DSCAML1: variants seen among roughly 807,000 people sequenced by gnomAD.
DSCAML1 encodes the protein DS cell adhesion molecule like 1.
A neutral mutation model predicts 200.5 loss-of-function variants in DSCAML1; 38 were observed. The observed-to-expected ratio is 0.19, with a 90% CI of 0.15 to 0.25. The LOEUF is 0.25. Among genes scored for constraint, DSCAML1 ranks in the 10% least tolerant of loss-of-function variants. DSCAML1 has a pLI of 1.00. For synonymous variants in DSCAML1, 1,215 were observed against 1,165.0 expected, an observed-to-expected ratio of 1.04 and a Z score of -0.87; for missense variants, 2,223 against 2,858.8, an observed-to-expected ratio of 0.78 and a Z score of 5.07.
At chr11:117,464,432 G>A (rs1893967) in intron 17 of DSCAML1, among the ~76,000 whole-genome samples, 20,880 of 152,138 alleles carry the variant, frequency 0.14, 1,659 homozygotes, top group Admixed American at 0.2. Flanking sequence ...TAATCAGAGT[G>A]TGGGGTTCTC....
At chr11:117,752,166 C>T (rs2054616172) in intron 3 of DSCAML1, among the ~76,000 whole-genome samples, 1 of 152,158 alleles carries the variant, frequency 6.6e-6, no homozygotes, top group Non-Finnish European at 1.5e-5. Flanking sequence ...GATAGGAGCC[C>T]TGATTCCAGG....
rs1382215511 is a variant in DSCAML1, at chr11:117,431,725, G to C, written c.5183C>G (p.Pro1728Arg). The C allele has an allele frequency of 1.3e-6, 2 of 1,559,422 alleles. No individual in the cohort carries two copies. Among genetic ancestry groups the C allele is most frequent in the Non-Finnish European group, 1.7e-6 (2 of 1,148,152 alleles). The change falls in exon 31 of 33, where the codon CCA becomes CGA. Residue 1728 changes from proline to arginine, a missense_variant. Physicochemically the swap from Pro to Arg is moderately radical, Grantham distance 103. Coordinates refer to ENST00000651296, the MANE Select transcript of DSCAML1 (RefSeq NM_020693.4). ...DMSDIRPGTN[P>R]VSRKNVKSAH... ...TGACTTCACATTCTTCCTGGACACTGGATCTGCACAGACAGAAGCAAGAAA... is the reference window on the plus strand; with the variant it reads ...TGACTTCACATTCTTCCTGGACACTCGATCTGCACAGACAGAAGCAAGAAA...
chr11:117,778,047 C>T (rs960079061), intron 2 of DSCAML1, among the ~76,000 whole-genome samples: 16 of 152,202 alleles, frequency 1.1e-4, no homozygotes, highest in Admixed American at 3.9e-4. Context: ...CATCCCCACC[C>T]CCTGACTGTG....
chr11:117,733,112 C>A (rs2054253700), intron 3 of DSCAML1, among the ~76,000 whole-genome samples: 1 of 150,192 alleles, frequency 6.7e-6, no homozygotes, highest in Non-Finnish European at 1.5e-5. Context: ...GAGCTCGGGG[C>A]AGAGGCAGGG....
chr11:117,742,978 A>G (rs2054448597), intron 3 of DSCAML1, among the ~76,000 whole-genome samples: 1 of 151,506 alleles, frequency 6.6e-6, no homozygotes, highest in South Asian at 2.1e-4. Flanking sequence ...CTGGGAGTAT[A>G]GCTATGGAGA....
rs753161744 is a variant in DSCAML1 at position 117,532,364 on chromosome 11, C to A, written c.658+12G>T. 3 of 1,612,032 alleles carry A rather than the reference C, an allele frequency of 1.9e-6. No homozygotes were observed. The highest frequency in any genetic ancestry group is 2.5e-6 in the Non-Finnish European group (3 of 1,178,982). ...CCAGCCTGCCCCGTTCTCCCCAGGC[C>A]CTCTCCCCTACCTGTCACAGAGAGG... is the stretch of plus-strand genomic sequence containing the variant. On this transcript the variant is annotated intron_variant, in intron 4 of 32. Transcript: ENST00000651296.
intron 3 of DSCAML1, among the ~76,000 whole-genome samples, chr11:117,710,651 A>C (rs540796225): frequency 3.1e-4 from 47 of 152,340 alleles, no homozygotes; most frequent in African/African-American, 1.1e-3. Flanking sequence ...GGATAATTAC[A>C]GTGCCTACCT....
At chr11:117,745,586 GCA>G (rs981030475) in intron 3 of DSCAML1, among the ~76,000 whole-genome samples, 1 of 152,202 alleles carries the variant, frequency 6.6e-6, no homozygotes, top group African/African-American at 2.4e-5. Context: ...TGGGATGTCA[GCA>G]CCCAGACAGA....
intron 3 of DSCAML1, among the ~76,000 whole-genome samples, chr11:117,730,705 A>G (rs2054203620): frequency 6.6e-6 from 1 of 152,196 alleles, no homozygotes; most frequent in Non-Finnish European, 1.5e-5. Flanking sequence ...CCTCGCAGGT[A>G]TCTACCAAGA....
intron 3 of DSCAML1, among the ~76,000 whole-genome samples, chr11:117,618,502 C>T (rs914671805): frequency 2.6e-5 from 4 of 152,140 alleles, no homozygotes; most frequent in Admixed American, 6.5e-5. Context: ...TCTTCTCTTC[C>T]GCAGGCTGAC....
chr11:117,496,026 C>G (rs1438905729), intron 11 of DSCAML1, among the ~76,000 whole-genome samples: 2 of 152,198 alleles, frequency 1.3e-5, no homozygotes, highest in Non-Finnish European at 2.9e-5. Context: ...GCTCATGCTC[C>G]TCCTTCCACC....
intron 20 of DSCAML1, among the ~76,000 whole-genome samples, chr11:117,447,265 G>A (rs1359223534): frequency 6.6e-6 from 1 of 152,200 alleles, no homozygotes; most frequent in African/African-American, 2.4e-5. Flanking sequence ...TCCAGCCTGG[G>A]TGACAGAGCA....
chr11:117,718,005 T>G (rs2053981731), intron 3 of DSCAML1, among the ~76,000 whole-genome samples: 1 of 152,154 alleles, frequency 6.6e-6, no homozygotes, highest in South Asian at 2.1e-4. Context: ...AGGCGGTGTG[T>G]CAACAAGGCC....
intron 8 of DSCAML1, among the ~76,000 whole-genome samples, chr11:117,512,117 G>A (rs1310003654): frequency 1.3e-5 from 2 of 152,198 alleles, no homozygotes; most frequent in Non-Finnish European, 2.9e-5. Flanking sequence ...GCTGGGGTGG[G>A]AGACTTCCAG....
Position 117,719,000 on chromosome 11 carries a change from G to A in DSCAML1, c.511+57791C>T, listed in dbSNP as rs573062594. ...GTGTTCAAATCCAAGTTTGCAAAAA[G>A]AGGCCATGGGCCTGATTTGGCCCAT... On this transcript the variant is annotated intron_variant, in intron 3 of 32. Transcript: ENST00000651296. 2.6e-5 allele frequency among the ~76,000 whole-genome samples: 4 copies of A among 152,328 alleles called. No individual in the cohort carries two copies. The South Asian group carries it at 8.3e-4, about 32-fold the overall frequency.
intron 8 of DSCAML1, among the ~76,000 whole-genome samples, chr11:117,508,302 G>A (rs752129131): frequency 6.6e-6 from 1 of 152,086 alleles, no homozygotes. Context: ...CTGGATTAGG[G>A]CACGTATCAC....
At chr11:117,810,461 CA>C (rs1225776243) in intron 1 of DSCAML1, among the ~76,000 whole-genome samples, 2 of 152,200 alleles carry the variant, frequency 1.3e-5, no homozygotes, top group African/African-American at 4.8e-5. Context: ...TTCCGTGCCC[CA>C]ACCCTTTCTC....
intron 3 of DSCAML1, among the ~76,000 whole-genome samples, chr11:117,734,794 C>T (rs756588756): frequency 1.5e-4 from 23 of 152,190 alleles, no homozygotes; most frequent in Non-Finnish European, 2.6e-4. Context: ...GGAGGAAAGA[C>T]GAGACAGGTG....
chr11:117,614,412 G>A (rs1032902333), intron 3 of DSCAML1, among the ~76,000 whole-genome samples: 5 of 152,156 alleles, frequency 3.3e-5, no homozygotes, highest in African/African-American at 4.8e-5. Context: ...GTACTGGGGC[G>A]CAGTGTGGCC....
Sources: gnomAD v4.1 joint callset for allele counts (sites outside exome capture counted in the v4.1 genomes callset) on GRCh38, gnomAD v4.1.1 for gene constraint, MANE v1.5 for transcripts, NCBI Gene and HGNC (gene_info 2026-07-23, HGNC 2026-07-21) for gene names.